Variants in GRIK4 observed in about 807,000 individuals in gnomAD.
The protein encoded by GRIK4 is glutamate ionotropic receptor kainate type subunit 4.
In GRIK4, 40 loss-of-function variants were observed where a neutral mutation model predicts 104.9. The observed-to-expected ratio is 0.38, with a 90% CI of 0.30 to 0.50. The LOEUF (loss-of-function observed/expected upper bound fraction) is 0.50, where lower values mean the gene tolerates loss of function less well. Ranked by LOEUF, GRIK4 falls within the 20% of genes least tolerant of loss-of-function variation. The pLI, the probability that GRIK4 is intolerant of heterozygous loss-of-function variation, is 0.93. For synonymous variants in GRIK4, 485 were observed against 524.9 expected (o/e 0.92, Z 1.04); for missense variants, 1,047 against 1,308.1 (o/e 0.80, Z 3.08).
chr11:120,912,095 G>A (rs1592072272), intron 13 of GRIK4, among the ~76,000 whole-genome samples: 1 of 152,238 alleles, frequency 6.6e-6, no homozygotes, highest in East Asian at 1.9e-4. Flanking sequence ...ATTTAATAGA[G>A]AAATCATCAG....
intron 1 of GRIK4, among the ~76,000 whole-genome samples, chr11:120,652,156 G>A (rs978474432): frequency 6.6e-6 from 1 of 152,186 alleles, no homozygotes; most frequent in African/African-American, 2.4e-5. Context: ...GAGTAAATGA[G>A]TCTGAAGTAG....
At chr11:120,865,245 A>G (rs1437153548) in intron 9 of GRIK4, among the ~76,000 whole-genome samples, 1 of 152,238 alleles carries the variant, frequency 6.6e-6, no homozygotes, top group African/African-American at 2.4e-5. Context: ...AACAACCTAT[A>G]TATGCCAGAT....
At position 120,802,373 on chromosome 11, in the gene GRIK4, A is replaced by G. The variant is rs563320109; in HGVS notation, c.83-320A>G. Among the ~76,000 whole-genome samples, 3 of 152,324 alleles carry G rather than the reference A, an allele frequency of 2.0e-5. No homozygotes were observed. The East Asian group carries it at 5.8e-4, about 29-fold the overall frequency. Reference sequence around the variant, plus strand: ...GCACAATGCCTGCTTGCCTGTGTGCATGGAGACAGGTATCCAAGTATCAGG... The same window carrying G: ...GCACAATGCCTGCTTGCCTGTGTGCGTGGAGACAGGTATCCAAGTATCAGG... On this transcript the variant is annotated intron_variant, in intron 3 of 20. Coordinates refer to ENST00000527524, the MANE Select transcript of GRIK4 (RefSeq NM_014619.5).
At chr11:120,874,736 C>T (rs1954728605) in intron 10 of GRIK4, among the ~76,000 whole-genome samples, 1 of 152,164 alleles carries the variant, frequency 6.6e-6, no homozygotes, top group Admixed American at 6.5e-5. Context: ...TTGGACTTTG[C>T]ATTTAGAGTT....
At chr11:120,658,279 G>C (rs12789161) in intron 2 of GRIK4, among the ~76,000 whole-genome samples, 1 of 151,684 alleles carries the variant, frequency 6.6e-6, no homozygotes, top group Admixed American at 6.6e-5. Flanking sequence ...TTTCTCCATC[G>C]TGCTGCTGGA....
intron 1 of GRIK4, chr11:120,619,876 C>CTTT (rs60138020): frequency 3.0e-5 from 6 of 201,570 alleles, no homozygotes; most frequent in African/African-American, 1.2e-4. Context: ...TCTGCTATTT[C>CTTT]TTTTTTTTTT....
chr11:120,933,065 C>T (rs1408487314), intron 13 of GRIK4, among the ~76,000 whole-genome samples: 1 of 152,196 alleles, frequency 6.6e-6, no homozygotes, highest in African/African-American at 2.4e-5. Context: ...GGATTTTTCC[C>T]AGAGTTTTCC....
At chr11:120,830,891 C>T (rs1482908729) in intron 6 of GRIK4, among the ~76,000 whole-genome samples, 1 of 150,508 alleles carries the variant, frequency 6.6e-6, no homozygotes, top group South Asian at 2.2e-4. Flanking sequence ...TTCCCTCCCC[C>T]ACCCCATACA....
intron 3 of GRIK4, among the ~76,000 whole-genome samples, chr11:120,787,175 AC>A (rs1952296643): frequency 6.6e-6 from 1 of 151,666 alleles, no homozygotes; most frequent in Admixed American, 6.6e-5. Context: ...CAAAAAAAAT[AC>A]GAAAATTAGC....
At chr11:120,723,059 AT>A (rs1241393563) in intron 3 of GRIK4, among the ~76,000 whole-genome samples, 8 of 152,230 alleles carry the variant, frequency 5.3e-5, no homozygotes, top group Admixed American at 5.2e-4. Flanking sequence ...TATTCTCCCC[AT>A]TTTTAATACT....
At chr11:120,972,452 G>A (rs1217739890) in intron 19 of GRIK4, among the ~76,000 whole-genome samples, 1 of 152,188 alleles carries the variant, frequency 6.6e-6, no homozygotes, top group Admixed American at 6.5e-5. Flanking sequence ...TGCCAGAGAA[G>A]TATTTTGGAA....
Position 120,836,548 on chromosome 11 carries a change from C to T in GRIK4, c.691-243C>T, listed in dbSNP as rs980818395. Among the ~76,000 whole-genome samples, 13 of 152,208 alleles carry T rather than the reference C, an allele frequency of 8.5e-5. No homozygotes were observed. The South Asian group carries it at 1.2e-3, about 15-fold the overall frequency. Reference sequence around the variant, plus strand: ...TTGTGTACAAGAACACCAGCTACTACGCATGCCACTGCAGGGGTAGGGGGC... The same window carrying T: ...TTGTGTACAAGAACACCAGCTACTATGCATGCCACTGCAGGGGTAGGGGGC... On this transcript the variant is annotated intron_variant, in intron 7 of 20. Coordinates refer to ENST00000527524, the MANE Select transcript of GRIK4 (RefSeq NM_014619.5).
intron 4 of GRIK4, among the ~76,000 whole-genome samples, chr11:120,814,378 T>A (rs971815813): frequency 2.6e-5 from 4 of 152,100 alleles, no homozygotes; most frequent in African/African-American, 9.7e-5. Context: ...GGCAGGTGGA[T>A]CACTTGAGGT....
chr11:120,545,099 T>C (rs1032925985), intron 1 of GRIK4, among the ~76,000 whole-genome samples: 3 of 152,138 alleles, frequency 2.0e-5, no homozygotes, highest in Admixed American at 6.5e-5. Flanking sequence ...CCAGGGGACA[T>C]ACAGGCCTGG....
At chr11:120,904,489 G>T (rs940656884) in intron 12 of GRIK4, among the ~76,000 whole-genome samples, 1 of 152,198 alleles carries the variant, frequency 6.6e-6, no homozygotes, top group Admixed American at 6.5e-5. Context: ...CTCACCCCTG[G>T]ATGCTTCCTC....
Position 120,920,005 on chromosome 11 carries a change from C to T in GRIK4, c.1476+14512C>T, listed in dbSNP as rs115217070. Among the ~76,000 whole-genome samples, 264 of 152,132 alleles carry T rather than the reference C, an allele frequency of 1.7e-3. 1 individual carries two copies. The highest frequency in any genetic ancestry group is 6.0e-3 in the African/African-American group (249 of 41,472). ...GGCAAGAGGCAGCACTGGGCCTGAA[C>T]CCCATTTGGAAGTTGTCAGCATACA... On this transcript the variant is annotated intron_variant, in intron 13 of 20. Transcript: ENST00000527524.
At chr11:120,514,005 G>C (rs1185403578) in intron 1 of GRIK4, among the ~76,000 whole-genome samples, 1 of 152,190 alleles carries the variant, frequency 6.6e-6, no homozygotes, top group African/African-American at 2.4e-5. Flanking sequence ...GAAAGTCCCA[G>C]CTGCAGGGAG....
At chr11:120,556,057 G>A (rs913760100) in intron 1 of GRIK4, among the ~76,000 whole-genome samples, 3 of 152,156 alleles carry the variant, frequency 2.0e-5, no homozygotes, top group African/African-American at 7.2e-5. Flanking sequence ...ACAGAGCGCC[G>A]TCTAATGTGG....
chr11:120,561,518 A>C (rs1026372518), intron 1 of GRIK4, among the ~76,000 whole-genome samples: 12 of 152,138 alleles, frequency 7.9e-5, no homozygotes, highest in Non-Finnish European at 1.5e-4. Flanking sequence ...AGGGGGGCCT[A>C]CTCGGGGACT....
Sources: gnomAD v4.1 joint callset for allele counts (sites outside exome capture counted in the v4.1 genomes callset) on GRCh38, gnomAD v4.1.1 for gene constraint, MANE v1.5 for transcripts, NCBI Gene and HGNC (gene_info 2026-07-23, HGNC 2026-07-21) for gene names.